The following VANGL1 variants were observed in gnomAD, a reference collection of about 807,000 sequenced individuals.
The protein encoded by VANGL1 is VANGL planar cell polarity protein 1, also known as vang-like protein 1.
A neutral mutation model predicts 48.4 loss-of-function variants in VANGL1; 18 were observed. The ratio of observed to expected loss-of-function variants is 0.37; its 90% CI spans 0.26 to 0.55. The LOEUF is 0.55. VANGL1 is among the 20% of genes least tolerant of loss of function. VANGL1 has a pLI of 0.81. For synonymous variants in VANGL1, 257 were observed against 261.8 expected (o/e 0.98, Z 0.18); for missense variants, 667 against 675.8 (o/e 0.99, Z 0.14).
At chr1:115,662,030 C>T (rs1652577196) in intron 3 of VANGL1, among the ~76,000 whole-genome samples, 1 of 152,184 alleles carries the variant, frequency 6.6e-6, no homozygotes, top group Admixed American at 6.5e-5. Context: ...TTTCCAGAGG[C>T]ACTGTACCAC....
At chr1:115,645,128 A>G (rs73007416) in intron 1 of VANGL1, among the ~76,000 whole-genome samples, 2,661 of 152,204 alleles carry the variant, frequency 0.017, 77 homozygotes, top group African/African-American at 0.06. Context: ...AAATAAACCC[A>G]CTAAAACACA....
chr1:115,645,130 T>G (rs1330344209), intron 1 of VANGL1, among the ~76,000 whole-genome samples: 1 of 152,148 alleles, frequency 6.6e-6, no homozygotes, highest in African/African-American at 2.4e-5. Flanking sequence ...ATAAACCCAC[T>G]AAAACACACA....
At chr1:115,648,663 G>C (rs1217257975) in intron 1 of VANGL1, among the ~76,000 whole-genome samples, 1 of 152,230 alleles carries the variant, frequency 6.6e-6, no homozygotes, top group Admixed American at 6.5e-5. Flanking sequence ...TGGGAAGAGA[G>C]AGTATTAAAT....
chr1:115,647,679 G>C (rs1041335852), intron 1 of VANGL1, among the ~76,000 whole-genome samples: 2 of 152,150 alleles, frequency 1.3e-5, no homozygotes, highest in East Asian at 3.9e-4. Context: ...CTGTGTAGGT[G>C]GAGCCTGGAG....
intron 1 of VANGL1, among the ~76,000 whole-genome samples, chr1:115,649,813 C>A (rs1239956827): frequency 6.6e-6 from 1 of 152,014 alleles, no homozygotes. Flanking sequence ...GTTGGTTTAC[C>A]CTGTTTAACA....
chr1:115,678,941 G>C (rs1653270153), intron 4 of VANGL1, among the ~76,000 whole-genome samples: 1 of 143,058 alleles, frequency 7.0e-6, no homozygotes, highest in African/African-American at 2.6e-5. Flanking sequence ...GTGACAGCGG[G>C]AGACTGTCTC....
intron 7 of VANGL1, among the ~76,000 whole-genome samples, chr1:115,686,144 ATAT>A (rs898655426): frequency 6.6e-6 from 1 of 152,092 alleles, no homozygotes. Context: ...TGTCAGAGAG[ATAT>A]TATTATTATC....
intron 4 of VANGL1, among the ~76,000 whole-genome samples, chr1:115,666,673 C>T (rs1440447224): frequency 6.6e-6 from 1 of 152,214 alleles, no homozygotes; most frequent in African/African-American, 2.4e-5. Flanking sequence ...TGGTCCCCAG[C>T]CTCATCCTTT....
At chr1:115,688,642 T>C (rs1453567962) in intron 7 of VANGL1, among the ~76,000 whole-genome samples, 1 of 137,836 alleles carries the variant, frequency 7.3e-6, no homozygotes, top group African/African-American at 2.7e-5. Flanking sequence ...ATTGCCCTCC[T>C]AGGGGGTGTA....
At chr1:115,656,365 G>A (rs574528452) in intron 2 of VANGL1, among the ~76,000 whole-genome samples, 2 of 152,292 alleles carry the variant, frequency 1.3e-5, no homozygotes, top group East Asian at 3.9e-4. Flanking sequence ...CCTCCTCCTA[G>A]GAGCATTTGG....
At position 115,682,452 on chromosome 1, in the gene VANGL1, C is replaced by A; in HGVS notation, c.901C>A (p.Arg301=). ...NPNLLTASKF[R]AAKHMAGLKV... is the part of the protein sequence containing the mutation. ...AAACCTCCTAACAGCCTCCAAATTC[C>A]GAGCAGCCAAGCATATGGCCGGGCT... Residue 301 remains arginine, a synonymous_variant, in exon 5 of 8, where the codon CGA becomes AGA. Coordinates refer to ENST00000355485, the MANE Select transcript of VANGL1 (RefSeq NM_138959.3). The A allele has an allele frequency of 1.2e-6, 2 of 1,614,148 alleles. No homozygotes were observed. Among genetic ancestry groups the A allele is most frequent in the East Asian group, 4.5e-5 (2 of 44,882 alleles).
At chr1:115,685,752 C>T (rs1191021665) in intron 7 of VANGL1, among the ~76,000 whole-genome samples, 2 of 151,974 alleles carry the variant, frequency 1.3e-5, no homozygotes, top group Admixed American at 6.6e-5. Context: ...GAGAATTTCG[C>T]TTGGAGGACA....
intron 1 of VANGL1, among the ~76,000 whole-genome samples, chr1:115,647,201 G>A (rs955577705): frequency 2.1e-5 from 3 of 140,846 alleles, no homozygotes; most frequent in Non-Finnish European, 4.5e-5. Flanking sequence ...GTCATGTCAG[G>A]GGTCAGTATG....
chr1:115,674,653 G>A lies in VANGL1; in HGVS notation c.813-7711G>A, dbSNP rs528718407. 6.1e-4 allele frequency among the ~76,000 whole-genome samples: 93 copies of A among 152,268 alleles called. 1 individual carries two copies. Among genetic ancestry groups the A allele is most frequent in the African/African-American group, 1.9e-3 (77 of 41,556 alleles). ...CAAGAAGTACTTTGACATTTTCCAC[G>A]TGTGAAGAAAGCTGTTTTTATTGAC... On this transcript the variant is annotated intron_variant, in intron 4 of 7. Transcript: ENST00000355485.
intron 2 of VANGL1, among the ~76,000 whole-genome samples, chr1:115,653,251 A>G (rs909274518): frequency 1.3e-5 from 2 of 152,312 alleles, no homozygotes; most frequent in East Asian, 3.9e-4. Flanking sequence ...AGGATGAGAA[A>G]CAGAAGGAGC....
At position 115,696,521 on chromosome 1, in the gene VANGL1, G is replaced by C. The variant is rs1654035411; in HGVS notation, c.*5142G>C. ...TCTGCCCTGCTGTTTGCTTTCAATG[G>C]AAGACAGTAAAGGGAAGATGGTGCT... On this transcript the variant is annotated 3_prime_UTR_variant, in exon 8 of 8. Transcript: ENST00000355485. 1 of 152,196 alleles carries C rather than the reference G, an allele frequency of 6.6e-6. No individual in the cohort carries two copies. 9.4% of individuals were successfully genotyped at this position (152,196 alleles called of 1,614,324 possible). A position where few individuals can be genotyped will look rare whatever the true frequency, so the allele number is the denominator to read the frequency against.
intron 4 of VANGL1, among the ~76,000 whole-genome samples, chr1:115,680,030 AGAGAG>A (rs1653325991): frequency 7.0e-6 from 1 of 143,192 alleles, no homozygotes; most frequent in African/African-American, 2.8e-5. Context: ...TGTATGTGAG[AGAGAG>A]AGAGAGAGAG....
intron 4 of VANGL1, among the ~76,000 whole-genome samples, chr1:115,679,151 A>C (rs560027294): frequency 1.3e-5 from 2 of 152,166 alleles, no homozygotes; most frequent in Non-Finnish European, 2.9e-5. Context: ...GCGTTTATCA[A>C]CTTCACCCTG....
intron 4 of VANGL1, among the ~76,000 whole-genome samples, chr1:115,668,373 G>A (rs1030529652): frequency 6.6e-6 from 1 of 152,180 alleles, no homozygotes; most frequent in African/African-American, 2.4e-5. Flanking sequence ...AGAATGTGCA[G>A]GATTGTCAAG....
Sources: gnomAD v4.1 joint callset for allele counts (sites outside exome capture counted in the v4.1 genomes callset) on GRCh38, gnomAD v4.1.1 for gene constraint, MANE v1.5 for transcripts, NCBI Gene and HGNC (gene_info 2026-07-23, HGNC 2026-07-21) for gene names.